EPHB6: variants seen among roughly 807,000 people sequenced by gnomAD.
EPHB6 encodes EPH receptor B6, also known as ephrin type-B receptor 6.
A neutral mutation model predicts 107.0 loss-of-function variants in EPHB6; 51 were observed. The observed-to-expected ratio is 0.48, with a 90% CI of 0.38 to 0.60. The LOEUF (loss-of-function observed/expected upper bound fraction) is 0.60, where lower values mean the gene tolerates loss of function less well. EPHB6 is among the 20% of genes least tolerant of loss of function. The pLI is 0.00. For missense variants in EPHB6, 1,141 were observed against 1,355.5 expected (o/e 0.84, Z 2.48); for synonymous variants, 553 against 549.0 (o/e 1.01, Z -0.10).
At chr7:142,857,514 G>C (rs1802658258) in intron 1 of EPHB6, among the ~76,000 whole-genome samples, 1 of 152,202 alleles carries the variant, frequency 6.6e-6, no homozygotes, top group African/African-American at 2.4e-5. Flanking sequence ...AACAGGATAG[G>C]GGACAGGGCC....
intron 1 of EPHB6, among the ~76,000 whole-genome samples, chr7:142,860,354 G>A (rs1167475497): frequency 6.6e-6 from 1 of 152,202 alleles, no homozygotes; most frequent in African/African-American, 2.4e-5. Context: ...CCTGATAACA[G>A]TATTTCTAAG....
At chr7:142,870,755 G>C in intron 19 of EPHB6, 41 bp from the exon 20 acceptor site, 2 of 1,614,128 alleles carry the variant, frequency 1.2e-6, no homozygotes, top group Non-Finnish European at 1.7e-6. Context: ...TGGGGATCTC[G>C]GAGAAGCTGG....
chr7:142,866,364 G>A lies in EPHB6; in HGVS notation c.1462+48G>A, dbSNP rs995480154. ...CAGGATCCCCTGCCTCCGCTCCTTT[G>A]AGCCCCCTTCCCTACTCCTGATCTC... On this transcript the variant is annotated intron_variant, in intron 9 of 19. Coordinates refer to ENST00000652003, the MANE Select transcript of EPHB6 (RefSeq NM_004445.6). This position sits in a 1 kb window ranked among gnomAD's most constrained non-coding sequence, Gnocchi z 5.2. 9.9e-6 allele frequency: 16 copies of A among 1,612,034 alleles called. No individual in the cohort carries two copies. The highest frequency in any genetic ancestry group is 1.3e-5 in the African/African-American group (1 of 74,846).
rs1802567418 is a variant in EPHB6 at position 142,855,615 on chromosome 7, G to C, written c.-432+230G>C. Among the ~76,000 whole-genome samples the C allele has an allele frequency of 6.6e-6, 1 of 152,102 alleles. No individual in the cohort carries two copies. The highest frequency in any genetic ancestry group is 1.5e-5 in the Non-Finnish European group (1 of 68,014). On this transcript the variant is annotated intron_variant, in intron 1 of 19. Coordinates refer to ENST00000652003, the MANE Select transcript of EPHB6 (RefSeq NM_004445.6). The surrounding 1 kb of genome is among the most constrained non-coding windows in gnomAD (Gnocchi z 4.2). ...ACTCTGACCTGGCATCATTGACACCGCATTACCCTTGCTGTTAGGATCCCC... is the reference window on the plus strand; with the variant it reads ...ACTCTGACCTGGCATCATTGACACCCCATTACCCTTGCTGTTAGGATCCCC...
Position 142,868,059 on chromosome 7 carries a change from A to G in EPHB6, c.1918+10A>G. ...CAATACAGCAGCCCAGGTGGGGATG[A>G]GGAGAGGAAATGGGTGGGGCTGGGG... On this transcript the variant is annotated intron_variant, in intron 13 of 19. Coordinates refer to ENST00000652003, the MANE Select transcript of EPHB6 (RefSeq NM_004445.6). This position sits in a 1 kb window ranked among gnomAD's most constrained non-coding sequence, Gnocchi z 4.2. 1 of 1,606,156 alleles carries G rather than the reference A, an allele frequency of 6.2e-7. No individual in the cohort carries two copies. Among genetic ancestry groups the G allele is most frequent in the Non-Finnish European group, 8.5e-7 (1 of 1,176,218 alleles).
chr7:142,860,920 C>T (rs1802812418), intron 1 of EPHB6, 132 bp from the exon 2 acceptor site: 2 of 152,164 alleles, frequency 1.3e-5, no homozygotes, highest in Non-Finnish European at 2.9e-5. Context: ...TAGCTTTCAA[C>T]AATCCCAAGG....
intron 1 of EPHB6, among the ~76,000 whole-genome samples, chr7:142,860,058 A>C (rs1045639751): frequency 1.3e-5 from 2 of 152,220 alleles, no homozygotes; most frequent in African/African-American, 2.4e-5. Context: ...AGAGTGTTCC[A>C]TATTGGACAG....
chr7:142,867,095 G>A lies in EPHB6; in HGVS notation c.1750+27G>A, dbSNP rs779526975. 7.5e-6 allele frequency: 12 copies of A among 1,607,494 alleles called. No individual in the cohort carries two copies. The African/African-American group carries it at 1.5e-4, about 20-fold the overall frequency. Reference sequence around the variant, plus strand: ...TGAGCGGGGGTCAAGGGCCAGATGGGCAGGTGAAGGCCCAAGTGGGTAGTG... The same window carrying A: ...TGAGCGGGGGTCAAGGGCCAGATGGACAGGTGAAGGCCCAAGTGGGTAGTG... On this transcript the variant is annotated intron_variant, in intron 11 of 19. Coordinates refer to ENST00000652003, the MANE Select transcript of EPHB6 (RefSeq NM_004445.6). This position sits in a 1 kb window ranked among gnomAD's most constrained non-coding sequence, Gnocchi z 5.3.
At position 142,867,247 on chromosome 7, in the gene EPHB6, T is replaced by G; in HGVS notation, c.1750+179T>G. On this transcript the variant is annotated intron_variant, in intron 11 of 19. Transcript: ENST00000652003. This position sits in a 1 kb window ranked among gnomAD's most constrained non-coding sequence, Gnocchi z 5.3. ...AGGGGCTACTCGGGGAGGTGGGGAA[T>G]TGTAGGGGTATGTATGCATGTTGAG... 1 of 732,618 alleles carries G rather than the reference T, an allele frequency of 1.4e-6. No homozygotes were observed. The allele number at this position is 732,618 out of a possible 1,614,324, so 45.4% of individuals were successfully genotyped here.
Position 142,867,275 on chromosome 7 carries a change from T to G in EPHB6, c.1750+207T>G. 1.5e-6 allele frequency: 1 copy of G among 660,782 alleles called. No homozygotes were observed. Among genetic ancestry groups the G allele is most frequent in the African/African-American group, 1.8e-5 (1 of 55,040 alleles). The allele number at this position is 660,782 out of a possible 1,614,324, so 40.9% of individuals were successfully genotyped here. A position where few individuals can be genotyped will look rare whatever the true frequency, so the allele number is the denominator to read the frequency against. On this transcript the variant is annotated intron_variant, in intron 11 of 19. Transcript: ENST00000652003. The surrounding 1 kb of genome is among the most constrained non-coding windows in gnomAD (Gnocchi z 5.3). ...TAGGGGTATGTATGCATGTTGAGTG[T>G]GGATATAGGAGGGCTGTGGGGATGT...
rs1188434760 is a variant in EPHB6, at chr7:142,866,027, C to T, written c.1173C>T (p.Arg391=). Residue 391 remains arginine, a synonymous_variant, in exon 9 of 20, where the codon CGC becomes CGT. Coordinates refer to ENST00000652003, the MANE Select transcript of EPHB6 (RefSeq NM_004445.6). The surrounding 1 kb of genome is among the most constrained non-coding windows in gnomAD (Gnocchi z 5.2). ...GCTCAGCACTCATGCTACACTGGCG[C>T]CTGCCTCGGGAGCTGGGGGGTCGAG... The part of the protein sequence containing the change: ...VQGSALMLHW[R]LPRELGGRGD... The T allele has an allele frequency of 1.2e-6, 2 of 1,613,748 alleles. No homozygotes were observed. The highest frequency in any genetic ancestry group is 1.7e-6 in the Non-Finnish European group (2 of 1,179,870).
Position 142,864,645 on chromosome 7 carries a change from C to A in EPHB6, c.845C>A (p.Pro282His). 1 of 1,612,600 alleles carries A rather than the reference C, an allele frequency of 6.2e-7. No individual in the cohort carries two copies. Among genetic ancestry groups the A allele is most frequent in the Non-Finnish European group, 8.5e-7 (1 of 1,179,704 alleles). The change falls in exon 7 of 20, where the codon CCC becomes CAC. Residue 282 changes from proline to histidine, a missense_variant. Around this residue, in one of 3 missense-constraint regions of EPHB6, gnomAD observed 304 missense variants for 295.7 expected, o/e 1.03. Transcript: ENST00000652003. Reference sequence around the variant, plus strand: ...GTAGGGGGCCAGGCAGGAGGCAGCCCCCCCAGGCTGCACTGCAACGGGGAG... The same window carrying A: ...GTAGGGGGCCAGGCAGGAGGCAGCCACCCCAGGCTGCACTGCAACGGGGAG... The part of the protein sequence containing the change: ...DGVGGQAGGS[P>H]PRLHCNGEGK...
intron 7 of EPHB6, 80 bp downstream of exon 7, chr7:142,864,829 A>G: frequency 6.5e-7 from 1 of 1,541,384 alleles, no homozygotes; most frequent in Non-Finnish European, 8.9e-7. Context: ...AACACCCCAA[A>G]ATTCATTTTA....
rs952160730 is a variant in EPHB6 at position 142,863,159 on chromosome 7, C to G, written c.-69C>G. 7.1e-7 allele frequency: 1 copy of G among 1,414,474 alleles called. No homozygotes were observed. The highest frequency in any genetic ancestry group is 9.9e-7 in the Non-Finnish European group (1 of 1,007,200). The allele number at this position is 1,414,474 out of a possible 1,614,324, so 87.6% of individuals were successfully genotyped here. ...GCTTAGCTGTACACCCTGAGTCTTG[C>G]AAAAGCTGCAGCCCCACCCAGGAGC... On this transcript the variant is annotated 5_prime_UTR_variant, in exon 5 of 20. Coordinates refer to ENST00000652003, the MANE Select transcript of EPHB6 (RefSeq NM_004445.6).
chr7:142,868,823 C>T lies in EPHB6; in HGVS notation c.2286+84C>T. On this transcript the variant is annotated intron_variant, in intron 15 of 19. Transcript: ENST00000652003. The surrounding 1 kb of genome is among the most constrained non-coding windows in gnomAD (Gnocchi z 4.2). ...CGAGGTCCTGTATCTTTGCTTCTTACCACCCCACCTTCCATGGTCTCCGTC... is the reference window on the plus strand; with the variant it reads ...CGAGGTCCTGTATCTTTGCTTCTTATCACCCCACCTTCCATGGTCTCCGTC... 1 of 1,609,046 alleles carries T rather than the reference C, an allele frequency of 6.2e-7. No individual in the cohort carries two copies. The highest frequency in any genetic ancestry group is 8.5e-7 in the Non-Finnish European group (1 of 1,178,070).
chr7:142,864,691 CGGG>C lies in EPHB6; in HGVS notation c.894_896del (p.Gly299del), dbSNP rs1554520615. The C allele has an allele frequency of 6.2e-7, 1 of 1,612,644 alleles. No homozygotes were observed. The highest frequency in any genetic ancestry group is 2.2e-5 in the East Asian group (1 of 44,838). On this transcript the variant is annotated inframe_deletion, in exon 7 of 20. Transcript: ENST00000652003. ...GGGAGGGCAAGTGGATGGTAGCTGT[CGGG>C]GGCTGCCGCTGCCAGCCTGGATACC...
At position 142,864,809 on chromosome 7, in the gene EPHB6, C is replaced by T. The variant is rs536062763; in HGVS notation, c.949+60C>T. On this transcript the variant is annotated intron_variant, in intron 7 of 19. Transcript: ENST00000652003. ...CTCCCACCCACCCCCAGCCTTTGGG[C>T]TCCTCTCTGAACACCCCAAAATTCA... 2.8e-5 allele frequency: 44 copies of T among 1,598,762 alleles called. No homozygotes were observed. The South Asian group carries it at 4.1e-4, about 15-fold the overall frequency.
rs1291135944 is a variant in EPHB6, at chr7:142,870,242, G to A, written c.2639G>A (p.Arg880Gln). 11 of 1,614,032 alleles carry A rather than the reference G, an allele frequency of 6.8e-6. No individual in the cohort carries two copies. The highest frequency in any genetic ancestry group is 4.0e-5 in the African/African-American group (3 of 74,890). ...CTAAATGCAATAGAGCAGGAGTTCC[G>A]GCTGCCCCCGCCTCCAGGCTGTCCT... ...EVLNAIEQEF[R>Q]LPPPPGCPPG... Residue 880 changes from arginine (R) to glutamine (Q), a missense_variant, in exon 18 of 20, where the codon CGG becomes CAG. By Grantham distance (43) the Arg-to-Gln change is conservative. Coordinates refer to ENST00000652003, the MANE Select transcript of EPHB6 (RefSeq NM_004445.6).
At chr7:142,862,321 G>C (rs1003957738) in intron 3 of EPHB6, among the ~76,000 whole-genome samples, 188 bp downstream of exon 3, 3 of 152,194 alleles carry the variant, frequency 2.0e-5, no homozygotes, top group Admixed American at 2.0e-4. Context: ...ATGGCCTGTT[G>C]CTGTAGTTTT....
Sources: allele counts gnomAD v4.1 joint callset (sites outside exome capture counted in the v4.1 genomes callset), GRCh38; gene constraint gnomAD v4.1.1; regional missense constraint gnomAD v4.1.1; non-coding constraint Gnocchi (gnomAD v3.1); transcripts MANE v1.5; gene names NCBI Gene and HGNC (gene_info 2026-07-23, HGNC 2026-07-21).